The following KHDRBS2 variants were observed in gnomAD, a reference collection of about 807,000 sequenced individuals.
The protein encoded by KHDRBS2 is KH RNA binding domain containing, signal transduction associated 2, also known as KH domain-containing, RNA-binding, signal transduction-associated protein 2.
A neutral mutation model predicts 44.3 loss-of-function variants in KHDRBS2; 26 were observed. The ratio of observed to expected loss-of-function variants is 0.59; its 90% CI spans 0.43 to 0.81. The LOEUF is 0.81. Among genes scored for constraint, KHDRBS2 ranks in the 40% least tolerant of loss-of-function variants. The pLI, the probability that KHDRBS2 is intolerant of heterozygous loss-of-function variation, is 0.00. For synonymous variants in KHDRBS2, 194 were observed against 151.1 expected, an observed-to-expected ratio of 1.28 and a Z score of -2.08; for missense variants, 476 against 433.1, an observed-to-expected ratio of 1.10 and a Z score of -0.88.
At chr6:61,794,826 A>C (rs1785089795) in intron 6 of KHDRBS2, among the ~76,000 whole-genome samples, 1 of 152,126 alleles carries the variant, frequency 6.6e-6, no homozygotes. Context: ...AATCTGACAA[A>C]TTCTGCTAGA....
chr6:62,224,798 G>A (rs947403265), intron 1 of KHDRBS2, among the ~76,000 whole-genome samples: 2 of 152,150 alleles, frequency 1.3e-5, no homozygotes, highest in Non-Finnish European at 2.9e-5. Flanking sequence ...TATGCTACTT[G>A]GTGAATATCT....
At chr6:62,006,878 C>G (rs149570979) in intron 3 of KHDRBS2, among the ~76,000 whole-genome samples, 8 of 151,852 alleles carry the variant, frequency 5.3e-5, no homozygotes, top group African/African-American at 1.9e-4. Flanking sequence ...AAAATAAAGC[C>G]TCAAAATATA....
At chr6:61,692,048 A>G (rs1241746512) in intron 8 of KHDRBS2, among the ~76,000 whole-genome samples, 6 of 152,124 alleles carry the variant, frequency 3.9e-5, no homozygotes, top group Non-Finnish European at 1.5e-5. Flanking sequence ...TTTCTCAGAG[A>G]AGAGAATATT....
At chr6:62,108,352 C>A (rs534902072) in intron 2 of KHDRBS2, among the ~76,000 whole-genome samples, 2 of 152,118 alleles carry the variant, frequency 1.3e-5, no homozygotes, top group Non-Finnish European at 1.5e-5. Context: ...AAAATGCTCA[C>A]CATCACTGGC....
chr6:61,776,778 C>G (rs1042250186), intron 6 of KHDRBS2, among the ~76,000 whole-genome samples: 2 of 152,152 alleles, frequency 1.3e-5, no homozygotes, highest in African/African-American at 4.8e-5. Context: ...CCCAGTCATC[C>G]CATTATTGGG....
downstream of KHDRBS2, among the ~76,000 whole-genome samples, chr6:61,675,159 T>C (rs1013472992): frequency 2.6e-5 from 4 of 151,804 alleles, no homozygotes; most frequent in African/African-American, 9.7e-5. Flanking sequence ...ATATTTTTAC[T>C]CATTAGTCAA....
intron 1 of KHDRBS2, among the ~76,000 whole-genome samples, chr6:62,282,716 C>A (rs1841968227): frequency 6.6e-6 from 1 of 152,082 alleles, no homozygotes; most frequent in African/African-American, 2.4e-5. Context: ...TATTATTAAT[C>A]ATTAAACTAG....
intron 2 of KHDRBS2, among the ~76,000 whole-genome samples, chr6:62,091,314 C>A (rs1337793282): frequency 6.6e-6 from 1 of 152,016 alleles, no homozygotes; most frequent in Non-Finnish European, 1.5e-5. Flanking sequence ...GTAATACATA[C>A]AGATTTCTAA....
At chr6:61,829,992 A>G (rs754392564) in intron 6 of KHDRBS2, among the ~76,000 whole-genome samples, 1 of 152,178 alleles carries the variant, frequency 6.6e-6, no homozygotes, top group Non-Finnish European at 1.5e-5. Context: ...GGAATTAACT[A>G]TTTACTATTC....
chr6:61,690,131 A>G (rs534781038), intron 8 of KHDRBS2, among the ~76,000 whole-genome samples: 2 of 152,086 alleles, frequency 1.3e-5, no homozygotes, highest in Admixed American at 1.3e-4. Context: ...TTTAATACAC[A>G]TAAAAATCTC....
In KHDRBS2 at chr6:61,884,073, C is replaced by T. The variant is rs143875203; in HGVS notation, c.810+10562G>A. On this transcript the variant is annotated intron_variant, in intron 6 of 8. Coordinates refer to ENST00000281156, the MANE Select transcript of KHDRBS2 (RefSeq NM_152688.4). ...TATCATTTAATACCTATTTCCCTCT[C>T]CTGTCAAAAAATGTTCCATACACAT... Among the ~76,000 whole-genome samples, 208 of 152,128 alleles carry T rather than the reference C, an allele frequency of 1.4e-3. 1 individual carries two copies. The highest frequency in any genetic ancestry group is 4.5e-3 in the African/African-American group (185 of 41,530).
At chr6:62,258,370 T>C (rs920855846) in intron 1 of KHDRBS2, among the ~76,000 whole-genome samples, 4 of 152,082 alleles carry the variant, frequency 2.6e-5, no homozygotes, top group African/African-American at 9.7e-5. Context: ...TGTTGCTTAG[T>C]TACCCTGAAC....
intron 6 of KHDRBS2, among the ~76,000 whole-genome samples, chr6:61,749,245 C>A (rs1332268199): frequency 6.6e-6 from 1 of 151,934 alleles, no homozygotes; most frequent in Non-Finnish European, 1.5e-5. Flanking sequence ...GATCTCCTGA[C>A]CTTGTGATCC....
chr6:62,161,695 T>A (rs1467551965), intron 2 of KHDRBS2, among the ~76,000 whole-genome samples: 1 of 151,818 alleles, frequency 6.6e-6, no homozygotes, highest in Non-Finnish European at 1.5e-5. Context: ...AGCATTTTTG[T>A]CCCTCATTTC....
the KHDRBS2 span, among the ~76,000 whole-genome samples, chr6:61,645,589 AT>A: frequency 1.3e-5 from 2 of 152,156 alleles, no homozygotes; most frequent in South Asian, 4.1e-4. Context: ...ACCTATGGAT[AT>A]TTCAGGTTAA....
the KHDRBS2 span, among the ~76,000 whole-genome samples, chr6:61,606,475 A>G: frequency 6.6e-6 from 1 of 152,216 alleles, no homozygotes; most frequent in Non-Finnish European, 1.5e-5. Flanking sequence ...ACAGGAGAAA[A>G]GGCATAAAAA....
intron 7 of KHDRBS2, among the ~76,000 whole-genome samples, chr6:61,698,743 G>T (rs1479261907): frequency 2.0e-5 from 3 of 151,860 alleles, no homozygotes; most frequent in Admixed American, 6.6e-5. Context: ...ACCCTACTCA[G>T]GGGGCATGGC....
chr6:61,990,651 T>C (rs1023849208), intron 3 of KHDRBS2, among the ~76,000 whole-genome samples: 1 of 152,248 alleles, frequency 6.6e-6, no homozygotes, highest in Non-Finnish European at 1.5e-5. Flanking sequence ...TGCTGAGTAC[T>C]TCACACACAT....
intron 6 of KHDRBS2, among the ~76,000 whole-genome samples, chr6:61,779,206 T>C (rs1045788574): frequency 2.0e-5 from 3 of 152,130 alleles, no homozygotes; most frequent in Non-Finnish European, 2.9e-5. Flanking sequence ...TTTTTTATTT[T>C]AATGTCACAA....
Sources: gnomAD v4.1 joint callset for allele counts (sites outside exome capture counted in the v4.1 genomes callset) on GRCh38, gnomAD v4.1.1 for gene constraint, MANE v1.5 for transcripts, NCBI Gene and HGNC (gene_info 2026-07-23, HGNC 2026-07-21) for gene names.